Variants in EPHB1 observed in about 807,000 individuals in gnomAD.
EPHB1 encodes ephrin type-B receptor 1.
A neutral mutation model predicts 94.4 loss-of-function variants in EPHB1; 30 were observed. The observed-to-expected ratio is 0.32, with a 90% CI of 0.24 to 0.43. The LOEUF (loss-of-function observed/expected upper bound fraction) is 0.43. Among genes scored for constraint, EPHB1 ranks in the 20% least tolerant of loss-of-function variants. EPHB1 has a pLI of 1.00. For missense variants in EPHB1, 1,055 were observed against 1,308.3 expected (o/e 0.81, Z 2.99); for synonymous variants, 522 against 489.1 (o/e 1.07, Z -0.89).
At chr3:134,828,634 C>T (rs2036528720) in intron 1 of EPHB1, among the ~76,000 whole-genome samples, 1 of 152,180 alleles carries the variant, frequency 6.6e-6, no homozygotes, top group Non-Finnish European at 1.5e-5. Flanking sequence ...AGCGCTATTT[C>T]CATTCTCTGC....
intron 1 of EPHB1, among the ~76,000 whole-genome samples, chr3:134,913,449 G>A (rs2038497468): frequency 6.6e-6 from 1 of 152,222 alleles, no homozygotes. Flanking sequence ...TATCTGGGAG[G>A]TTGCTGCTGC....
At chr3:135,198,224 G>A (rs905279760) in intron 11 of EPHB1, among the ~76,000 whole-genome samples, 1 of 152,172 alleles carries the variant, frequency 6.6e-6, no homozygotes, top group Non-Finnish European at 1.5e-5. Flanking sequence ...GTTGTCAGTG[G>A]AGAAGTGATT....
intron 4 of EPHB1, among the ~76,000 whole-genome samples, chr3:135,124,982 A>T (rs1270072003): frequency 6.6e-6 from 1 of 151,542 alleles, no homozygotes; most frequent in Non-Finnish European, 1.5e-5. Flanking sequence ...GACACCTCAG[A>T]ATTTCAGACA....
intron 3 of EPHB1, among the ~76,000 whole-genome samples, chr3:135,083,537 G>A (rs116725917): frequency 1.2e-4 from 18 of 151,528 alleles, no homozygotes; most frequent in Non-Finnish European, 2.1e-4. Flanking sequence ...GAGGATGAAG[G>A]CATTAGGGCA....
At chr3:135,254,518 A>G (rs1400410789) in intron 15 of EPHB1, among the ~76,000 whole-genome samples, 1 of 150,260 alleles carries the variant, frequency 6.7e-6, no homozygotes, top group Non-Finnish European at 1.5e-5. Flanking sequence ...GATTACATTT[A>G]TTGATTTGCG....
chr3:135,034,476 CTG>C (rs1443040668), intron 3 of EPHB1, among the ~76,000 whole-genome samples: 1 of 152,228 alleles, frequency 6.6e-6, no homozygotes, highest in Non-Finnish European at 1.5e-5. Context: ...AGGCTCTTGA[CTG>C]TGCATCTGTA....
intron 1 of EPHB1, among the ~76,000 whole-genome samples, chr3:134,891,160 C>T (rs933759209): frequency 2.0e-5 from 3 of 152,164 alleles, no homozygotes; most frequent in African/African-American, 7.2e-5. Flanking sequence ...GGCGGGAGTG[C>T]AATGACATGA....
chr3:134,803,640 T>C (rs2035974812), intron 1 of EPHB1, among the ~76,000 whole-genome samples: 1 of 152,186 alleles, frequency 6.6e-6, no homozygotes, highest in African/African-American at 2.4e-5. Flanking sequence ...TACATATTGG[T>C]CCCCATATCC....
At chr3:134,932,829 GT>G (rs1219920276) in intron 2 of EPHB1, among the ~76,000 whole-genome samples, 2 of 152,148 alleles carry the variant, frequency 1.3e-5, no homozygotes, top group East Asian at 3.8e-4. Context: ...GGGCAAAATG[GT>G]TTTGTGAATG....
chr3:134,928,566 G>A (rs1220926377), intron 2 of EPHB1, among the ~76,000 whole-genome samples: 1 of 152,218 alleles, frequency 6.6e-6, no homozygotes, highest in African/African-American at 2.4e-5. Flanking sequence ...AGAGGACACA[G>A]GAGGAGGAGT....
At chr3:135,158,645 G>A (rs530727025) in intron 6 of EPHB1, among the ~76,000 whole-genome samples, 4 of 152,134 alleles carry the variant, frequency 2.6e-5, no homozygotes, top group Non-Finnish European at 5.9e-5. Context: ...TTAATAGAGA[G>A]CTCAGATGCC....
intron 1 of EPHB1, among the ~76,000 whole-genome samples, chr3:134,877,715 G>A (rs1230932027): frequency 6.6e-6 from 1 of 152,176 alleles, no homozygotes; most frequent in Non-Finnish European, 1.5e-5. Flanking sequence ...TCCTGGTTGG[G>A]AAAGAAGAGG....
At position 135,217,233 on chromosome 3, in the gene EPHB1, C is replaced by T. The variant is rs976211552; in HGVS notation, c.2346+15544C>T. Among the ~76,000 whole-genome samples the T allele has an allele frequency of 2.0e-5, 3 of 152,080 alleles. No individual in the cohort carries two copies. In the South Asian group the frequency reaches 6.2e-4, roughly 32 times the overall value. On this transcript the variant is annotated intron_variant, in intron 12 of 15. Transcript: ENST00000398015. ...ACCACTGTCCCTGGTAGCAGCAGGG[C>T]ACTGAGGGCAGTGCTGAGGATAGGC...
At chr3:135,169,514 T>C (rs1158597985) in intron 9 of EPHB1, among the ~76,000 whole-genome samples, 1 of 152,230 alleles carries the variant, frequency 6.6e-6, no homozygotes, top group Non-Finnish European at 1.5e-5. Context: ...ATTGCATTTG[T>C]GCGTTTACTC....
At chr3:135,196,905 T>C (rs185034318) in intron 11 of EPHB1, among the ~76,000 whole-genome samples, 1 of 152,208 alleles carries the variant, frequency 6.6e-6, no homozygotes, top group East Asian at 1.9e-4. Context: ...CATAATTAAA[T>C]TTTTCCTTCT....
rs1415246782 is a variant in EPHB1, at chr3:135,260,409, CT to C, written c.*1291del. The stretch of plus-strand genomic sequence containing the variant: ...AAATTTCTCCTTTTACCTTAATCTC[CT>C]TGCTAATTTTATCTGTCTAATTAAA... On this transcript the variant is annotated 3_prime_UTR_variant, in exon 16 of 16. Transcript: ENST00000398015. 4.4e-6 allele frequency: 1 copy of C among 228,310 alleles called. No individual in the cohort carries two copies. The allele number at this position is 228,310 out of a possible 1,614,324, so 14.1% of individuals were successfully genotyped here.
chr3:135,035,213 TCTC>T (rs1256075301), intron 3 of EPHB1, among the ~76,000 whole-genome samples: 2 of 152,164 alleles, frequency 1.3e-5, no homozygotes, highest in Non-Finnish European at 2.9e-5. Context: ...CCTACTTCCT[TCTC>T]CTGTCCTGCA....
At chr3:135,050,786 T>A (rs1009291880) in intron 3 of EPHB1, among the ~76,000 whole-genome samples, 4 of 152,158 alleles carry the variant, frequency 2.6e-5, no homozygotes, top group African/African-American at 9.7e-5. Context: ...TCTCGCCATA[T>A]GACACGCCTC....
At chr3:135,052,860 CAAAAAAAAAA>C (rs1193207059) in intron 3 of EPHB1, among the ~76,000 whole-genome samples, 3 of 12,094 alleles carry the variant, frequency 2.5e-4, no homozygotes, top group Non-Finnish European at 2.3e-4. Flanking sequence ...GACTCCGTCT[CAAAAAAAAAA>C]AAAAAAAAAA....
Sources: allele counts gnomAD v4.1 joint callset (sites outside exome capture counted in the v4.1 genomes callset), GRCh38; gene constraint gnomAD v4.1.1; transcripts MANE v1.5; gene names NCBI Gene and HGNC (gene_info 2026-07-23, HGNC 2026-07-21).